PRELID2: variants seen among roughly 807,000 people sequenced by gnomAD.
PRELID2 encodes PRELI domain containing 2.
Under a neutral mutation model 28.4 loss-of-function variants are expected in PRELID2, and 25 were observed. The ratio of observed to expected loss-of-function variants is 0.88; its 90% CI spans 0.64 to 1.23. The LOEUF is 1.23. Among genes scored for constraint, PRELID2 ranks in the 50% most tolerant of loss-of-function variants. The pLI, the probability that PRELID2 is intolerant of heterozygous loss-of-function variation, is 0.00. For synonymous variants in PRELID2, 76 were observed against 71.6 expected (o/e 1.06, Z -0.31); for missense variants, 201 against 214.4 (o/e 0.94, Z 0.39).
chr5:145,677,932 C>A (rs1243240402), intron 1 of PRELID2, among the ~76,000 whole-genome samples: 2 of 152,112 alleles, frequency 1.3e-5, no homozygotes, highest in Admixed American at 1.3e-4. Flanking sequence ...GACAGGCATT[C>A]ACATAGGTAA....
At chr5:145,256,920 T>C in the PRELID2 span, among the ~76,000 whole-genome samples, 14 of 151,870 alleles carry the variant, frequency 9.2e-5, no homozygotes, top group Admixed American at 3.3e-4. Flanking sequence ...GAAGATAATT[T>C]TTTTTTTAGA....
chr5:145,470,912 T>A (rs1301067681), downstream of PRELID2, among the ~76,000 whole-genome samples: 1 of 152,052 alleles, frequency 6.6e-6, no homozygotes, highest in African/African-American at 2.4e-5. Context: ...GTCTTTGTCT[T>A]CATTTAAACA....
chr5:145,415,268 T>C, the PRELID2 span, among the ~76,000 whole-genome samples: 4 of 152,132 alleles, frequency 2.6e-5, no homozygotes, highest in South Asian at 8.3e-4. Context: ...TTTTATTTTA[T>C]TTTCTTTTTT....
At chr5:145,798,108 A>G (rs568424781) in intron 4 of PRELID2, among the ~76,000 whole-genome samples, 1 of 152,094 alleles carries the variant, frequency 6.6e-6, no homozygotes, top group Non-Finnish European at 1.5e-5. Context: ...GGCTCATTCA[A>G]TAGCAAACTT....
intron 1 of PRELID2, chr5:145,728,580 G>A: frequency 1.1e-6 from 1 of 873,008 alleles, no homozygotes; most frequent in Non-Finnish European, 1.9e-6. Context: ...GTTGATCATG[G>A]CAATTAACAC....
At chr5:145,329,412 G>T in the PRELID2 span, among the ~76,000 whole-genome samples, 1 of 152,156 alleles carries the variant, frequency 6.6e-6, no homozygotes, top group Admixed American at 6.5e-5. Context: ...CTATCCATGA[G>T]CATGGAATGT....
At chr5:145,604,748 G>GA (rs1467579480) in intron 1 of PRELID2, among the ~76,000 whole-genome samples, 1 of 109,004 alleles carries the variant, frequency 9.2e-6, no homozygotes, top group Non-Finnish European at 2.0e-5. Flanking sequence ...GTTTTTTTTG[G>GA]TTTTTTTTTT....
At position 145,819,918 on chromosome 5, in the gene PRELID2, T is replaced by A. The variant is rs778512497; in HGVS notation, c.207+27A>T. 14 of 1,361,456 alleles carry A rather than the reference T, an allele frequency of 1.0e-5. No homozygotes were observed. In the African/African-American group the frequency reaches 1.9e-4, roughly 18 times the overall value. The allele number at this position is 1,361,456 out of a possible 1,614,324, so 84.3% of individuals were successfully genotyped here. A position where few individuals can be genotyped will look rare whatever the true frequency, so the allele number is the denominator to read the frequency against. ...ATTAAAAATTACTCAATGTTACAAC[T>A]GTGATTACATTTTAAAATGAACTTA... On this transcript the variant is annotated intron_variant, in intron 3 of 6. Transcript: ENST00000683046.
At chr5:145,809,381 G>A (rs917345478) in intron 4 of PRELID2, among the ~76,000 whole-genome samples, 1 of 152,004 alleles carries the variant, frequency 6.6e-6, no homozygotes, top group African/African-American at 2.4e-5. Flanking sequence ...GCCCAGCTAT[G>A]CCCGACCACT....
At chr5:145,672,395 T>C (rs1382545038) in intron 1 of PRELID2, among the ~76,000 whole-genome samples, 1 of 151,680 alleles carries the variant, frequency 6.6e-6, no homozygotes, top group African/African-American at 2.4e-5. Flanking sequence ...CCATTACCAG[T>C]GCCGGCATTC....
chr5:145,569,410 G>T (rs1310630439), intron 1 of PRELID2, among the ~76,000 whole-genome samples: 1 of 152,128 alleles, frequency 6.6e-6, no homozygotes, highest in African/African-American at 2.4e-5. Flanking sequence ...TATGTTGCTA[G>T]GATTTTTATT....
At chr5:145,365,413 TTAAAAA>T in the PRELID2 span, among the ~76,000 whole-genome samples, 38 of 149,142 alleles carry the variant, frequency 2.5e-4, no homozygotes, top group Admixed American at 2.6e-3. Context: ...TGCTTGTCAA[TTAAAAA>T]TAAAATTTTA....
At chr5:145,357,449 T>C in the PRELID2 span, among the ~76,000 whole-genome samples, 2 of 152,212 alleles carry the variant, frequency 1.3e-5, no homozygotes. Flanking sequence ...TTATTGTTTT[T>C]TCTTTATTTT....
intron 1 of PRELID2, among the ~76,000 whole-genome samples, chr5:145,723,118 AAATACT>A (rs1756037540): frequency 6.6e-6 from 1 of 152,224 alleles, no homozygotes; most frequent in Non-Finnish European, 1.5e-5. Flanking sequence ...TATAGCTTAT[AAATACT>A]AATGCAAAAA....
At chr5:145,229,178 G>A in the PRELID2 span, 1 of 896,108 alleles carries the variant, frequency 1.1e-6, no homozygotes, top group Admixed American at 1.7e-5. Flanking sequence ...CAAGAAAGGG[G>A]AACGATCAGG....
At chr5:145,282,264 T>C in the PRELID2 span, among the ~76,000 whole-genome samples, 5 of 152,206 alleles carry the variant, frequency 3.3e-5, no homozygotes, top group Admixed American at 2.6e-4. Context: ...ATAGAGTAAA[T>C]GTTCAAAATG....
chr5:145,764,873 T>G (rs1033380913), intron 6 of PRELID2, 58 bp downstream of exon 6: 8 of 1,266,434 alleles, frequency 6.3e-6, no homozygotes, highest in Non-Finnish European at 9.2e-6. Context: ...AATACCAGGC[T>G]GATAAGCATG....
Position 145,785,417 on chromosome 5 carries a change from ATTG to A in PRELID2, c.474+11022_474+11024del, listed in dbSNP as rs145636522. On this transcript the variant is annotated intron_variant, in intron 5 of 6. Transcript: ENST00000683046. The stretch of plus-strand genomic sequence containing the variant: ...TTCAGAAGTTGATATTTGGTATACG[ATTG>A]TTAAGATGTCTATAATTTGCTTTAA... Among the ~76,000 whole-genome samples the A allele has an allele frequency of 7.1e-3, 1,082 of 152,312 alleles. 8 individuals are homozygous for A. Among genetic ancestry groups the A allele is most frequent in the African/African-American group, 0.025 (1,024 of 41,568 alleles).
intron 1 of PRELID2, among the ~76,000 whole-genome samples, chr5:145,713,573 T>TATACACTAAAGTATATATACTTTATATAC (rs1210421946): frequency 4.2e-5 from 6 of 143,082 alleles, no homozygotes; most frequent in African/African-American, 1.0e-4. Context: ...ACTTTATATA[T>TATACACTAAAGTATATATACTTTATATAC]ATACACTAAA....
Sources: gnomAD v4.1 joint callset for allele counts (sites outside exome capture counted in the v4.1 genomes callset) on GRCh38, gnomAD v4.1.1 for gene constraint, MANE v1.5 for transcripts, NCBI Gene and HGNC (gene_info 2026-07-23, HGNC 2026-07-21) for gene names.